CDH12: variants seen among roughly 807,000 people sequenced by gnomAD.
The protein encoded by CDH12 is cadherin 12, also known as cadherin-12.
In CDH12, 41 loss-of-function variants were observed where a neutral mutation model predicts 74.1. The observed-to-expected ratio is 0.55, with a 90% CI of 0.43 to 0.72. The LOEUF (loss-of-function observed/expected upper bound fraction) is 0.72, where lower values mean the gene tolerates loss of function less well. Ranked by LOEUF, CDH12 falls within the 30% of genes least tolerant of loss-of-function variation. The probability of loss-of-function intolerance (pLI) is 0.00; values close to 1 mark genes in which losing one functional copy is unlikely to be tolerated. For synonymous variants in CDH12, 399 were observed against 355.0 expected (o/e 1.12, Z -1.39); for missense variants, 945 against 977.2 (o/e 0.97, Z 0.44).
chr5:22,326,193 T>C (rs1739088954), intron 3 of CDH12, among the ~76,000 whole-genome samples: 1 of 151,980 alleles, frequency 6.6e-6, no homozygotes, highest in African/African-American at 2.4e-5. Context: ...CAAGGATTTA[T>C]CTATTTCAGC....
intron 2 of CDH12, among the ~76,000 whole-genome samples, chr5:22,502,373 C>T (rs1296709603): frequency 2.6e-5 from 4 of 152,044 alleles, no homozygotes; most frequent in African/African-American, 9.7e-5. Context: ...GCCTCCCCAG[C>T]CATGTGGAAC....
At chr5:22,079,425 A>G (rs561815758) in intron 4 of CDH12, among the ~76,000 whole-genome samples, 71 of 152,322 alleles carry the variant, frequency 4.7e-4, no homozygotes, top group African/African-American at 1.7e-3. Context: ...TAAAGAAAAC[A>G]ATTTTTAAAA....
chr5:22,098,703 C>T (rs1035286576), intron 4 of CDH12, among the ~76,000 whole-genome samples: 14 of 152,162 alleles, frequency 9.2e-5, no homozygotes, highest in Non-Finnish European at 1.5e-4. Context: ...CGGCCTCCCA[C>T]ATTATTCCTG....
chr5:22,235,605 A>C (rs1163605065), intron 3 of CDH12, among the ~76,000 whole-genome samples: 2 of 151,996 alleles, frequency 1.3e-5, no homozygotes, highest in Non-Finnish European at 2.9e-5. Context: ...GAAAACCAAA[A>C]CAAAACAAAT....
At chr5:22,150,917 C>T (rs1747532681) in intron 4 of CDH12, among the ~76,000 whole-genome samples, 1 of 152,162 alleles carries the variant, frequency 6.6e-6, no homozygotes, top group African/African-American at 2.4e-5. Context: ...TCTCCGGCTC[C>T]CTCCACAAGG....
At chr5:22,501,756 A>AC (rs1736158248) in intron 2 of CDH12, among the ~76,000 whole-genome samples, 1 of 151,640 alleles carries the variant, frequency 6.6e-6, no homozygotes, top group Non-Finnish European at 1.5e-5. Context: ...TAAAAAAAAA[A>AC]AAAAACAGAT....
chr5:22,459,567 A>C (rs551086586), intron 2 of CDH12, among the ~76,000 whole-genome samples: 1 of 152,338 alleles, frequency 6.6e-6, no homozygotes, highest in Non-Finnish European at 1.5e-5. Context: ...TGGCTGTGAT[A>C]ATTATAGAAA....
intron 1 of CDH12, among the ~76,000 whole-genome samples, chr5:22,818,724 A>G (rs1749516097): frequency 6.6e-6 from 1 of 152,192 alleles, no homozygotes; most frequent in Middle Eastern, 3.2e-3. Flanking sequence ...TCTTTCTGCC[A>G]CCAGAGACTT....
chr5:22,758,289 A>G (rs1746033878), intron 1 of CDH12, among the ~76,000 whole-genome samples: 1 of 152,224 alleles, frequency 6.6e-6, no homozygotes, highest in South Asian at 2.1e-4. Context: ...GAAATAAAAG[A>G]GATTGTTTCT....
intron 1 of CDH12, among the ~76,000 whole-genome samples, chr5:22,813,390 T>C (rs1485162112): frequency 6.6e-6 from 1 of 152,130 alleles, no homozygotes; most frequent in Non-Finnish European, 1.5e-5. Flanking sequence ...TTAGAACCTG[T>C]GCTATGAAAA....
chr5:22,811,025 G>A, intron 1 of CDH12, among the ~76,000 whole-genome samples: 1 of 148,934 alleles, frequency 6.7e-6, no homozygotes, highest in Non-Finnish European at 1.5e-5. Context: ...ATATACATAT[G>A]TACATACATA....
intron 6 of CDH12, among the ~76,000 whole-genome samples, chr5:21,894,835 C>G (rs1430518623): frequency 6.6e-6 from 1 of 152,016 alleles, no homozygotes; most frequent in African/African-American, 2.4e-5. Context: ...ACTAAAGGAT[C>G]TTTCTCTGGA....
intron 3 of CDH12, among the ~76,000 whole-genome samples, chr5:22,228,567 C>T (rs1752273550): frequency 2.6e-5 from 4 of 152,046 alleles, no homozygotes. Flanking sequence ...TAAAAGAATA[C>T]TATAAATCAT....
At chr5:22,571,109 T>C (rs750102414) in intron 1 of CDH12, among the ~76,000 whole-genome samples, 16 of 152,312 alleles carry the variant, frequency 1.1e-4, no homozygotes, top group South Asian at 4.1e-4. Context: ...TGCAGGGGTA[T>C]GTTTTGGCTG....
chr5:21,866,904 G>T (rs1364925617), intron 6 of CDH12, among the ~76,000 whole-genome samples: 3 of 152,086 alleles, frequency 2.0e-5, no homozygotes, highest in Non-Finnish European at 4.4e-5. Flanking sequence ...CCTGCCCCAG[G>T]GTCCCTTTAC....
intron 6 of CDH12, among the ~76,000 whole-genome samples, chr5:21,932,608 G>C (rs1003503201): frequency 2.0e-5 from 3 of 151,806 alleles, no homozygotes; most frequent in Non-Finnish European, 4.4e-5. Context: ...AAAAATAAAA[G>C]AGACTAGCAA....
chr5:22,121,182 T>C (rs987383102), intron 4 of CDH12, among the ~76,000 whole-genome samples: 1 of 152,038 alleles, frequency 6.6e-6, no homozygotes, highest in Non-Finnish European at 1.5e-5. Flanking sequence ...TATCTAGCAG[T>C]TCTACACATA....
chr5:22,425,929 C>T (rs1483792190), intron 2 of CDH12, among the ~76,000 whole-genome samples: 2 of 151,968 alleles, frequency 1.3e-5, no homozygotes, highest in Non-Finnish European at 2.9e-5. Flanking sequence ...CATACCATGC[C>T]ATCCAGTGCT....
intron 1 of CDH12, among the ~76,000 whole-genome samples, chr5:22,636,044 C>T (rs1738824672): frequency 6.6e-6 from 1 of 151,878 alleles, no homozygotes; most frequent in Non-Finnish European, 1.5e-5. Flanking sequence ...TGTTAGTAGA[C>T]ATTTATCCAA....
Sources: allele counts gnomAD v4.1 joint callset (sites outside exome capture counted in the v4.1 genomes callset), GRCh38; gene constraint gnomAD v4.1.1; transcripts MANE v1.5; gene names NCBI Gene and HGNC (gene_info 2026-07-23, HGNC 2026-07-21).